Variants in GRID1 observed in about 807,000 individuals in gnomAD.
The protein encoded by GRID1 is glutamate receptor ionotropic, delta-1.
GRID1 carries 28 observed loss-of-function variants against 98.0 expected under a neutral mutation model. That is an observed-to-expected ratio of 0.29 (90% CI 0.21 to 0.39). The LOEUF (loss-of-function observed/expected upper bound fraction) is 0.39. Among genes scored for constraint, GRID1 ranks in the 10% least tolerant of loss-of-function variants. GRID1 has a pLI of 1.00. For missense variants in GRID1, 1,111 were observed against 1,340.5 expected, an observed-to-expected ratio of 0.83 and a Z score of 2.67; for synonymous variants, 553 against 538.5, an observed-to-expected ratio of 1.03 and a Z score of -0.37.
At chr10:86,204,025 A>G (rs78139221) in intron 3 of GRID1, among the ~76,000 whole-genome samples, 2 of 151,836 alleles carry the variant, frequency 1.3e-5, no homozygotes, top group East Asian at 3.9e-4. Flanking sequence ...ACTAACTTCA[A>G]CCCCACCAAA....
intron 4 of GRID1, among the ~76,000 whole-genome samples, chr10:85,932,550 T>C (rs1589303404): frequency 6.6e-6 from 1 of 152,182 alleles, no homozygotes; most frequent in South Asian, 2.1e-4. Flanking sequence ...CAAGCACCTA[T>C]CCACTGTTGT....
At chr10:86,061,355 G>A (rs1843645903) in intron 4 of GRID1, among the ~76,000 whole-genome samples, 1 of 152,062 alleles carries the variant, frequency 6.6e-6, no homozygotes, top group Non-Finnish European at 1.5e-5. Context: ...CCTCTTCCCT[G>A]GCCCCTTCCC....
intron 4 of GRID1, among the ~76,000 whole-genome samples, chr10:86,104,756 C>A (rs1844354930): frequency 6.6e-6 from 1 of 152,242 alleles, no homozygotes; most frequent in African/African-American, 2.4e-5. Flanking sequence ...AAACCCACAC[C>A]CTAGCATGCA....
intron 4 of GRID1, among the ~76,000 whole-genome samples, chr10:85,932,356 C>T (rs978473453): frequency 1.3e-5 from 2 of 152,178 alleles, no homozygotes; most frequent in South Asian, 2.1e-4. Flanking sequence ...TTACTACAGG[C>T]ACATGCTACA....
At chr10:85,847,168 A>T (rs1358748980) in intron 8 of GRID1, among the ~76,000 whole-genome samples, 1 of 152,268 alleles carries the variant, frequency 6.6e-6, no homozygotes, top group Non-Finnish European at 1.5e-5. Context: ...CTCTTCACTT[A>T]CAGAATGGAG....
At chr10:85,830,230 TG>T (rs1277643153) in intron 8 of GRID1, among the ~76,000 whole-genome samples, 1 of 152,142 alleles carries the variant, frequency 6.6e-6, no homozygotes, top group Non-Finnish European at 1.5e-5. Context: ...ATTCAATAAA[TG>T]GTGCTGGGAT....
intron 4 of GRID1, among the ~76,000 whole-genome samples, chr10:85,940,687 G>A (rs1427021508): frequency 6.6e-6 from 1 of 152,224 alleles, no homozygotes; most frequent in Non-Finnish European, 1.5e-5. Context: ...AGGGTGCAGG[G>A]AGAACTTTGA....
At chr10:85,736,710 A>G (rs1477507646) in intron 8 of GRID1, among the ~76,000 whole-genome samples, 1 of 152,130 alleles carries the variant, frequency 6.6e-6, no homozygotes, top group Non-Finnish European at 1.5e-5. Context: ...AGTATGTTTC[A>G]AAGGATCACA....
At chr10:86,228,384 C>T (rs1211279628) in intron 2 of GRID1, among the ~76,000 whole-genome samples, 1 of 151,946 alleles carries the variant, frequency 6.6e-6, no homozygotes, top group Admixed American at 6.6e-5. Context: ...CTTGGTCCCC[C>T]ATCCTCACTC....
At chr10:85,694,347 A>G (rs985175183) in intron 12 of GRID1, among the ~76,000 whole-genome samples, 1 of 151,920 alleles carries the variant, frequency 6.6e-6, no homozygotes, top group South Asian at 2.1e-4. Context: ...TTAGTACAAC[A>G]TCTATGGAAA....
At chr10:85,865,936 T>TATATATATATATATATATATAC (rs1564613272) in intron 6 of GRID1, among the ~76,000 whole-genome samples, 1 of 112,674 alleles carries the variant, frequency 8.9e-6, no homozygotes, top group Admixed American at 1.0e-4. Context: ...TATATATATA[T>TATATATATATATATATATATAC]ATATATACAC....
chr10:86,180,247 T>C (rs1430777921), intron 3 of GRID1, among the ~76,000 whole-genome samples: 1 of 152,092 alleles, frequency 6.6e-6, no homozygotes, highest in Non-Finnish European at 1.5e-5. Flanking sequence ...GGGCCCGCAG[T>C]GATTGGCTCA....
At chr10:86,074,954 A>G (rs1209562771) in intron 4 of GRID1, among the ~76,000 whole-genome samples, 1 of 152,228 alleles carries the variant, frequency 6.6e-6, no homozygotes, top group African/African-American at 2.4e-5. Context: ...ATAATGTGTG[A>G]ATGAGCAAAT....
intron 2 of GRID1, among the ~76,000 whole-genome samples, chr10:86,314,035 C>T (rs1018633659): frequency 1.3e-5 from 2 of 152,224 alleles, no homozygotes; most frequent in African/African-American, 2.4e-5. Flanking sequence ...AAACACTCTC[C>T]CATCTCTAGC....
chr10:85,882,185 C>G (rs1266663801), intron 5 of GRID1, among the ~76,000 whole-genome samples: 1 of 152,154 alleles, frequency 6.6e-6, no homozygotes, highest in African/African-American at 2.4e-5. Context: ...GGACTGTAAA[C>G]TAGTTCAACC....
rs1589405142 is a variant in GRID1 at position 86,192,208 on chromosome 10, A to G, written c.520+14156T>C. 7.2e-6 allele frequency among the ~76,000 whole-genome samples: 1 copy of G among 139,062 alleles called. No individual in the cohort carries two copies. The highest frequency in any genetic ancestry group is 2.0e-4 in the East Asian group (1 of 5,120). The allele number at this position is 139,062 out of a possible 152,430, so 91.2% of individuals were successfully genotyped here. On this transcript the variant is annotated intron_variant, in intron 3 of 15. Coordinates refer to ENST00000327946, the MANE Select transcript of GRID1 (RefSeq NM_017551.3). This position sits in a 1 kb window ranked among gnomAD's most constrained non-coding sequence, Gnocchi z 4.8. ...CAGACACCTGCGCACACACACACACATGGAGGCTCCAAGAGACGACATTCC... is the reference window on the plus strand; with the variant it reads ...CAGACACCTGCGCACACACACACACGTGGAGGCTCCAAGAGACGACATTCC...
At chr10:86,003,605 C>T (rs1405535430) in intron 4 of GRID1, among the ~76,000 whole-genome samples, 1 of 152,190 alleles carries the variant, frequency 6.6e-6, no homozygotes, top group Non-Finnish European at 1.5e-5. Flanking sequence ...TTCCCATATT[C>T]ACCCAGCCCA....
intron 4 of GRID1, among the ~76,000 whole-genome samples, chr10:86,037,617 T>C (rs1843284908): frequency 1.3e-5 from 2 of 152,178 alleles, no homozygotes; most frequent in African/African-American, 4.8e-5. Context: ...AGACATCCCT[T>C]TCCCCAGGGA....
chr10:86,315,218 G>A (rs948585607), intron 2 of GRID1, among the ~76,000 whole-genome samples: 2 of 152,110 alleles, frequency 1.3e-5, no homozygotes, highest in Non-Finnish European at 2.9e-5. Context: ...ATTGCCTTGT[G>A]GAGACCCCAT....
Sources: gnomAD v4.1 joint callset for allele counts (sites outside exome capture counted in the v4.1 genomes callset) on GRCh38, gnomAD v4.1.1 for gene constraint, Gnocchi (gnomAD v3.1) non-coding constraint, MANE v1.5 for transcripts, NCBI Gene and HGNC (gene_info 2026-07-23, HGNC 2026-07-21) for gene names.